DMRT2: variants seen among roughly 807,000 people sequenced by gnomAD.
DMRT2 encodes doublesex and mab-3 related transcription factor 2, also known as doublesex- and mab-3-related transcription factor 2.
Under a neutral mutation model 43.5 loss-of-function variants are expected in DMRT2, and 33 were observed. The ratio of observed to expected loss-of-function variants is 0.76; its 90% CI spans 0.58 to 1.01. The LOEUF (loss-of-function observed/expected upper bound fraction) is 1.01, where lower values mean the gene tolerates loss of function less well. DMRT2 is among the 50% of genes least tolerant of loss of function. The pLI is 0.00. For synonymous variants in DMRT2, 395 were observed against 309.2 expected (o/e 1.28, Z -2.91); for missense variants, 1,064 against 748.0 (o/e 1.42, Z -4.93).
At chr9:1,056,063 A>G in intron 3 of DMRT2, 153 bp from the exon 4 acceptor site, 4 of 1,450,652 alleles carry the variant, frequency 2.8e-6, no homozygotes, top group Non-Finnish European at 3.6e-6. Flanking sequence ...TTCAAACCTA[A>G]TCTGTACTTT....
chr9:1,052,214 C>T (rs1047495629), intron 2 of DMRT2, 76 bp downstream of exon 2: 2 of 1,212,880 alleles, frequency 1.6e-6, no homozygotes, highest in Non-Finnish European at 1.1e-6. Flanking sequence ...GGCGGCCGTC[C>T]ACACCCCCCG....
intron 2 of DMRT2, 40 bp from the exon 3 acceptor site, chr9:1,053,682 T>C: frequency 6.4e-7 from 1 of 1,561,676 alleles, no homozygotes; most frequent in Non-Finnish European, 8.7e-7. Context: ...GCCCCCATTT[T>C]CTTTCAGGGC....
At position 1,051,548 on chromosome 9, in the gene DMRT2, G is replaced by C; in HGVS notation, c.-44-22G>C. 2 of 1,444,664 alleles carry C rather than the reference G, an allele frequency of 1.4e-6. No homozygotes were observed. Among genetic ancestry groups the C allele is most frequent in the Non-Finnish European group, 1.8e-6 (2 of 1,109,066 alleles). 89.5% of individuals were successfully genotyped at this position (1,444,664 alleles called of 1,614,324 possible). A position where few individuals can be genotyped will look rare whatever the true frequency, so the allele number is the denominator to read the frequency against. On this transcript the variant is annotated intron_variant, in intron 1 of 3. Transcript: ENST00000358146. This position sits in a 1 kb window ranked among gnomAD's most constrained non-coding sequence, Gnocchi z 5.9. Reference sequence around the variant, plus strand: ...CCCTGACGGCGGCCGGTGGGTCTTTGGATTTCTTTGTGTTTCCCCAGAGTG... The same window carrying C: ...CCCTGACGGCGGCCGGTGGGTCTTTCGATTTCTTTGTGTTTCCCCAGAGTG...
intron 3 of DMRT2, chr9:1,055,894 AG>A: frequency 6.8e-7 from 1 of 1,479,036 alleles, no homozygotes; most frequent in Middle Eastern, 2.5e-4. Flanking sequence ...CTTAATGCGT[AG>A]GGGGCCTGGG....
chr9:1,052,557 C>G (rs1267472862), intron 2 of DMRT2, among the ~76,000 whole-genome samples: 8 of 152,006 alleles, frequency 5.3e-5, no homozygotes, highest in Non-Finnish European at 1.0e-4. Flanking sequence ...AGAAAAAGAA[C>G]CACGCAGCAC....
Position 1,057,270 on chromosome 9 carries a change from G to T in DMRT2, c.1683G>T (p.Gln561His), listed in dbSNP as rs928010438. The part of the protein sequence containing the change: ...RPSSAITRVS[Q>H] ...CATCTGCCATCACTCGTGTCTCTCA[G>T]TGAAAGGCTGCTTAAACAGAAAGCT... is the stretch of plus-strand genomic sequence containing the variant. The change falls in exon 4 of 4, where the codon CAG becomes CAT. Residue 561 changes from glutamine (Q) to histidine (H), a missense_variant. By Grantham distance (24) the Gln-to-His change is conservative (BLOSUM62 0). Coordinates refer to ENST00000358146, the MANE Select transcript of DMRT2 (RefSeq NM_181872.6). 15 of 1,603,366 alleles carry T rather than the reference G, an allele frequency of 9.4e-6. No individual in the cohort carries two copies. The highest frequency in any genetic ancestry group is 1.3e-5 in the Non-Finnish European group (15 of 1,175,804).
chr9:1,052,886 C>G (rs1004813504), intron 2 of DMRT2: 1 of 152,316 alleles, frequency 6.6e-6, no homozygotes, highest in African/African-American at 2.4e-5. Flanking sequence ...CTCCCAGACT[C>G]AGGACCAGGG....
Position 1,050,404 on chromosome 9 carries a change from G to A in DMRT2, c.-416G>A, listed in dbSNP as rs1475598330. The A allele has an allele frequency of 6.6e-6, 1 of 152,264 alleles. No homozygotes were observed. The highest frequency in any genetic ancestry group is 1.5e-5 in the Non-Finnish European group (1 of 68,092). 9.4% of individuals were successfully genotyped at this position (152,264 alleles called of 1,614,324 possible). On this transcript the variant is annotated 5_prime_UTR_variant, in exon 1 of 4. Coordinates refer to ENST00000358146, the MANE Select transcript of DMRT2 (RefSeq NM_181872.6). Reference sequence around the variant, plus strand: ...CTGCGCGCGCCCGCCGGGTGAGCCAGCGATCTGAGCCAGGCGGGGGCGGCC... The same window carrying A: ...CTGCGCGCGCCCGCCGGGTGAGCCAACGATCTGAGCCAGGCGGGGGCGGCC...
rs372851397 is a variant in DMRT2 at position 1,056,458 on chromosome 9, C to G, written c.871C>G (p.Pro291Ala). The G allele has an allele frequency of 5.8e-5, 94 of 1,614,208 alleles. 2 individuals carry two copies. In the South Asian group the frequency reaches 1.0e-3, roughly 17 times the overall value. ...CTACAAAAGTGCCTACAGCCCCAGCCCAGTGGAACCACCAAGCAAGGACTT... is the reference window on the plus strand; with the variant it reads ...CTACAAAAGTGCCTACAGCCCCAGCGCAGTGGAACCACCAAGCAAGGACTT... The part of the protein sequence containing the change: ...NSYKSAYSPS[P>A]VEPPSKDFCN... The change falls in exon 4 of 4, where the codon CCA (proline) becomes GCA (alanine). Residue 291 changes from proline to alanine, a missense_variant. Physicochemically the swap from Pro to Ala is conservative, Grantham distance 27. Transcript: ENST00000358146.
In DMRT2 at chr9:1,051,167, G is replaced by T. The variant is rs2130185314; in HGVS notation, c.-45+392G>T. On this transcript the variant is annotated intron_variant, in intron 1 of 3. Transcript: ENST00000358146. This position sits in a 1 kb window ranked among gnomAD's most constrained non-coding sequence, Gnocchi z 5.9. ...ATCAAAGGAAAACTGTTCTTCCACG[G>T]ATAGTTTTATATGCATCATGGCCAT... 6.6e-6 allele frequency among the ~76,000 whole-genome samples: 1 copy of T among 152,220 alleles called. No homozygotes were observed. Among genetic ancestry groups the T allele is most frequent in the Non-Finnish European group, 1.5e-5 (1 of 68,016 alleles).
rs937004645 is a variant in DMRT2, at chr9:1,050,441, G to T, written c.-379G>T. ...AGGCGGGGGCGGCCCGACCTTTCCC[G>T]CCCAGCCTGGGTCAGAGGAAGCCGA... On this transcript the variant is annotated 5_prime_UTR_variant, in exon 1 of 4. Transcript: ENST00000358146. 1.3e-5 allele frequency: 2 copies of T among 152,198 alleles called. No individual in the cohort carries two copies. The highest frequency in any genetic ancestry group is 1.9e-4 in the East Asian group (1 of 5,180). The allele number at this position is 152,198 out of a possible 1,614,324, so 9.4% of individuals were successfully genotyped here. A position where few individuals can be genotyped will look rare whatever the true frequency, so the allele number is the denominator to read the frequency against.
At chr9:1,055,786 G>A in intron 3 of DMRT2, 1 of 1,508,654 alleles carries the variant, frequency 6.6e-7, no homozygotes, top group Non-Finnish European at 8.9e-7. Context: ...AAATAAAAGT[G>A]ACATCAGCTC....
rs774294154 is a variant in DMRT2, at chr9:1,056,796, G to T, written c.1209G>T (p.Val403=). ...CATCGAAATTGGAAGGTTCCCTGGTGCTGCCTCACACTCCTGAGATCCAGA... is the reference window on the plus strand; with the variant it reads ...CATCGAAATTGGAAGGTTCCCTGGTTCTGCCTCACACTCCTGAGATCCAGA... ...MMPSKLEGSL[V]LPHTPEIQTT... is the part of the protein sequence containing the mutation. The change falls in exon 4 of 4, where the codon GTG becomes GTT. Residue 403 remains valine, a synonymous_variant. Transcript: ENST00000358146. The T allele has an allele frequency of 1.9e-6, 3 of 1,614,144 alleles. No homozygotes were observed.
At chr9:1,055,175 A>C (rs1486354155) in intron 3 of DMRT2, among the ~76,000 whole-genome samples, 1 of 152,254 alleles carries the variant, frequency 6.6e-6, no homozygotes, top group African/African-American at 2.4e-5. Context: ...AAAACTTATC[A>C]TAGAAATGTA....
At position 1,057,373 on chromosome 9, in the gene DMRT2, C is replaced by A; in HGVS notation, c.*100C>A. ...TTAAGATGTTTGTGTAAAGAAATTT[C>A]TAATGTAAAGATGATGATTTTGAAA... On this transcript the variant is annotated 3_prime_UTR_variant, in exon 4 of 4. Transcript: ENST00000358146. The A allele has an allele frequency of 7.3e-7, 1 of 1,363,168 alleles. No individual in the cohort carries two copies. The highest frequency in any genetic ancestry group is 9.8e-7 in the Non-Finnish European group (1 of 1,021,828). The allele number at this position is 1,363,168 out of a possible 1,614,324, so 84.4% of individuals were successfully genotyped here.
chr9:1,054,360 C>T (rs906006329), intron 3 of DMRT2, among the ~76,000 whole-genome samples: 5 of 151,974 alleles, frequency 3.3e-5, no homozygotes, highest in African/African-American at 1.2e-4. Flanking sequence ...ACCAGTAAAG[C>T]CGTTTAGTCT....
At position 1,051,799 on chromosome 9, in the gene DMRT2, G is replaced by A; in HGVS notation, c.186G>A (p.Glu62=). ...DDGVDEDAEE[E]GDGEEAGASP... ...GGGTGGACGAAGACGCGGAAGAAGA[G>A]GGCGACGGCGAGGAGGCAGGCGCGT... The change falls in exon 2 of 4, where the codon GAG becomes GAA. Residue 62 remains glutamate (E), a synonymous_variant. Coordinates refer to ENST00000358146, the MANE Select transcript of DMRT2 (RefSeq NM_181872.6). This position sits in a 1 kb window ranked among gnomAD's most constrained non-coding sequence, Gnocchi z 5.9. The A allele has an allele frequency of 6.7e-7, 1 of 1,499,924 alleles. No homozygotes were observed. The highest frequency in any genetic ancestry group is 8.9e-7 in the Non-Finnish European group (1 of 1,128,318). 92.9% of individuals were successfully genotyped at this position (1,499,924 alleles called of 1,614,324 possible). A position where few individuals can be genotyped will look rare whatever the true frequency, so the allele number is the denominator to read the frequency against.
intron 3 of DMRT2, 79 bp downstream of exon 3, chr9:1,053,903 A>G: frequency 7.8e-7 from 1 of 1,277,110 alleles, no homozygotes; most frequent in Non-Finnish European, 1.1e-6. Flanking sequence ...TGTGTTTATT[A>G]ATCTGTGAAA....
At chr9:1,056,087 A>C in intron 3 of DMRT2, 129 bp from the exon 4 acceptor site, 1 of 1,485,682 alleles carries the variant, frequency 6.7e-7, no homozygotes, top group Non-Finnish European at 8.9e-7. Flanking sequence ...ATCTGTATAA[A>C]AATATCAGTG....
Sources: allele counts gnomAD v4.1 joint callset (sites outside exome capture counted in the v4.1 genomes callset), GRCh38; gene constraint gnomAD v4.1.1; non-coding constraint Gnocchi (gnomAD v3.1); transcripts MANE v1.5; gene names NCBI Gene and HGNC (gene_info 2026-07-23, HGNC 2026-07-21).